OPCML: variants seen among roughly 807,000 people sequenced by gnomAD.
The protein encoded by OPCML is opioid-binding protein/cell adhesion molecule.
A neutral mutation model predicts 37.8 loss-of-function variants in OPCML; 13 were observed. That is an observed-to-expected ratio of 0.34 (90% CI 0.22 to 0.55). The LOEUF is 0.55. Ranked by LOEUF, OPCML falls within the 20% of genes least tolerant of loss-of-function variation. OPCML has a pLI of 0.91. For missense variants in OPCML, 341 were observed against 435.6 expected, an observed-to-expected ratio of 0.78 and a Z score of 1.93; for synonymous variants, 176 against 168.8, an observed-to-expected ratio of 1.04 and a Z score of -0.33.
chr11:132,587,763 G>A (rs1026427195), intron 3 of OPCML, among the ~76,000 whole-genome samples: 12 of 152,178 alleles, frequency 7.9e-5, no homozygotes, highest in Admixed American at 7.2e-4. Context: ...ATTGTGAGTG[G>A]CTTCTTAAAA....
chr11:133,266,657 C>A (rs183779199), intron 1 of OPCML, among the ~76,000 whole-genome samples: 1 of 152,100 alleles, frequency 6.6e-6, no homozygotes, highest in Non-Finnish European at 1.5e-5. Flanking sequence ...TAGTTGGAGA[C>A]AATTCTTGTC....
chr11:133,351,790 T>A (rs929113018), intron 1 of OPCML, among the ~76,000 whole-genome samples: 1 of 151,912 alleles, frequency 6.6e-6, no homozygotes, highest in Admixed American at 6.6e-5. Flanking sequence ...CACGTACACA[T>A]GAATGGAATT....
At chr11:132,856,382 G>A in intron 2 of OPCML, among the ~76,000 whole-genome samples, 1 of 152,180 alleles carries the variant, frequency 6.6e-6, no homozygotes, top group Non-Finnish European at 1.5e-5. Flanking sequence ...ATTGTGTTAG[G>A]GTAAGTAGTC....
At chr11:133,376,139 A>G (rs1299058627) in intron 1 of OPCML, among the ~76,000 whole-genome samples, 1 of 152,198 alleles carries the variant, frequency 6.6e-6, no homozygotes, top group Non-Finnish European at 1.5e-5. Flanking sequence ...GCAGATAATG[A>G]GTCAGATTCA....
At chr11:132,750,029 C>T (rs1404681467) in intron 2 of OPCML, among the ~76,000 whole-genome samples, 1 of 151,994 alleles carries the variant, frequency 6.6e-6, no homozygotes, top group Non-Finnish European at 1.5e-5. Flanking sequence ...ATTACAGGTG[C>T]CTGCCACCAT....
chr11:132,454,760 T>A (rs1306686635), intron 4 of OPCML, among the ~76,000 whole-genome samples: 1 of 152,194 alleles, frequency 6.6e-6, no homozygotes, highest in Non-Finnish European at 1.5e-5. Flanking sequence ...ACTGACTTGT[T>A]GGAAATCCAC....
At chr11:133,422,279 CACT>C (rs1945904732) in intron 1 of OPCML, 1 of 984,460 alleles carries the variant, frequency 1.0e-6, no homozygotes, top group South Asian at 4.7e-5. Context: ...TGGGACTCAC[CACT>C]AAACACGAAG....
intron 1 of OPCML, among the ~76,000 whole-genome samples, chr11:133,081,285 C>T (rs1258439249): frequency 6.6e-6 from 1 of 152,052 alleles, no homozygotes; most frequent in Non-Finnish European, 1.5e-5. Context: ...ATGTCAGCCC[C>T]GTTGGTACCA....
intron 4 of OPCML, among the ~76,000 whole-genome samples, chr11:132,511,291 G>A (rs7107060): frequency 6.6e-6 from 1 of 151,652 alleles, no homozygotes; most frequent in Non-Finnish European, 1.5e-5. Flanking sequence ...ACTTAATAAA[G>A]GGAAGAATAT....
At chr11:133,330,140 C>A (rs1046941238) in intron 1 of OPCML, among the ~76,000 whole-genome samples, 1 of 152,214 alleles carries the variant, frequency 6.6e-6, no homozygotes, top group African/African-American at 2.4e-5. Flanking sequence ...AATGAGATAC[C>A]ATCTCACACC....
intron 2 of OPCML, among the ~76,000 whole-genome samples, chr11:132,732,861 G>T (rs1451498817): frequency 3.9e-5 from 6 of 152,212 alleles, no homozygotes; most frequent in Admixed American, 3.9e-4. Context: ...AAGAAGCCTT[G>T]GTGGAATTTA....
At chr11:132,632,067 A>G (rs752877367) in intron 3 of OPCML, among the ~76,000 whole-genome samples, 10 of 152,044 alleles carry the variant, frequency 6.6e-5, no homozygotes, top group Non-Finnish European at 1.2e-4. Flanking sequence ...CTGGGCTGTT[A>G]AAATGGTTTC....
chr11:133,186,797 C>T (rs571346757), intron 1 of OPCML, among the ~76,000 whole-genome samples: 1 of 152,280 alleles, frequency 6.6e-6, no homozygotes, highest in Admixed American at 6.5e-5. Flanking sequence ...AAGCCAAGTA[C>T]ACAGCCTGCT....
chr11:132,574,147 T>C (rs1333514292), intron 3 of OPCML, among the ~76,000 whole-genome samples: 1 of 148,864 alleles, frequency 6.7e-6, no homozygotes, highest in Non-Finnish European at 1.5e-5. Context: ...TAAGAATTTG[T>C]TAATTTTGGT....
intron 2 of OPCML, among the ~76,000 whole-genome samples, chr11:132,895,708 G>T (rs1314365588): frequency 6.6e-6 from 1 of 152,130 alleles, no homozygotes; most frequent in Admixed American, 6.5e-5. Context: ...TTCCATCTCT[G>T]TCTGAAGGAG....
chr11:132,761,521 C>T (rs776371655), intron 2 of OPCML, among the ~76,000 whole-genome samples: 1 of 151,784 alleles, frequency 6.6e-6, no homozygotes, highest in Non-Finnish European at 1.5e-5. Flanking sequence ...ATTCTTTTTT[C>T]TCTAATCTTG....
At chr11:132,454,998 C>T (rs1639870540) in intron 4 of OPCML, among the ~76,000 whole-genome samples, 1 of 152,162 alleles carries the variant, frequency 6.6e-6, no homozygotes, top group African/African-American at 2.4e-5. Flanking sequence ...ATTTCATGAA[C>T]AGAGTATAAG....
intron 3 of OPCML, among the ~76,000 whole-genome samples, chr11:132,568,481 G>A (rs1340595976): frequency 6.6e-6 from 1 of 152,280 alleles, no homozygotes; most frequent in East Asian, 1.9e-4. Context: ...ATTAGGGTAG[G>A]TCCTAATCCA....
chr11:132,507,842 T>C (rs1168747126), intron 4 of OPCML, among the ~76,000 whole-genome samples: 1 of 144,148 alleles, frequency 6.9e-6, no homozygotes, highest in African/African-American at 2.5e-5. Context: ...GCAAAAACAG[T>C]AAATATGGAG....
Sources: gnomAD v4.1 joint callset for allele counts (sites outside exome capture counted in the v4.1 genomes callset) on GRCh38, gnomAD v4.1.1 for gene constraint, MANE v1.5 for transcripts, NCBI Gene and HGNC (gene_info 2026-07-23, HGNC 2026-07-21) for gene names.